Variants in PALM2AKAP2 observed in about 807,000 individuals in gnomAD.
PALM2AKAP2 encodes PALM2 and AKAP2 fusion.
In PALM2AKAP2, 37 loss-of-function variants were observed where a neutral mutation model predicts 71.5. That is an observed-to-expected ratio of 0.52 (90% CI 0.40 to 0.68). The LOEUF is 0.68. Among genes scored for constraint, PALM2AKAP2 ranks in the 30% least tolerant of loss-of-function variants. PALM2AKAP2 has a pLI of 0.00. For missense variants in PALM2AKAP2, 1,224 were observed against 1,191.8 expected (o/e 1.03, Z -0.40); for synonymous variants, 468 against 478.8 (o/e 0.98, Z 0.29).
chr9:110,045,296 C>A (rs552644329), upstream of PALM2AKAP2, among the ~76,000 whole-genome samples: 4 of 152,280 alleles, frequency 2.6e-5, no homozygotes, highest in Admixed American at 2.6e-4. Context: ...TTATTTTATT[C>A]AAATATGCTC....
intron 1 of PALM2AKAP2, among the ~76,000 whole-genome samples, chr9:110,082,947 C>G (rs1834481657): frequency 1.3e-5 from 2 of 151,998 alleles, no homozygotes; most frequent in Non-Finnish European, 2.9e-5. Flanking sequence ...TTCGAGATCA[C>G]CCTGACCAAC....
intron 3 of PALM2AKAP2, among the ~76,000 whole-genome samples, chr9:109,905,192 T>A (rs2131866063): frequency 6.6e-6 from 1 of 152,338 alleles, no homozygotes; most frequent in South Asian, 2.1e-4. Flanking sequence ...TTAGTTTTAG[T>A]TCCTAAAGTT....
At chr9:109,952,076 A>G (rs1831654831) in intron 6 of PALM2AKAP2, among the ~76,000 whole-genome samples, 1 of 152,248 alleles carries the variant, frequency 6.6e-6, no homozygotes, top group Non-Finnish European at 1.5e-5. Flanking sequence ...GTTTTTCAAT[A>G]AATGGCCAGA....
intron 3 of PALM2AKAP2, among the ~76,000 whole-genome samples, chr9:110,164,938 T>A (rs1564343531): frequency 6.6e-6 from 1 of 152,158 alleles, no homozygotes; most frequent in African/African-American, 2.4e-5. Flanking sequence ...CTTACAGCCA[T>A]TGGGCAGCCA....
chr9:109,987,692 G>T lies in PALM2AKAP2; in HGVS notation c.497-28262G>T, dbSNP rs139528269. ...CCTGTGGTAGGGCTGCTATGGAGTT[G>T]TTTAATTTTACAACACAGTGACATC... On this transcript the variant is annotated intron_variant, in intron 6 of 9. Coordinates refer to the PALM2AKAP2 transcript ENST00000302798. Among the ~76,000 whole-genome samples, 5 of 152,302 alleles carry T rather than the reference G, an allele frequency of 3.3e-5. No homozygotes were observed. In the East Asian group the frequency reaches 9.6e-4, roughly 29 times the overall value.
intron 1 of PALM2AKAP2, among the ~76,000 whole-genome samples, chr9:109,827,010 T>A (rs1828168403): frequency 6.6e-6 from 1 of 152,214 alleles, no homozygotes; most frequent in African/African-American, 2.4e-5. Context: ...ACTAGGTTTT[T>A]ACTTTTGCTA....
intron 1 of PALM2AKAP2, among the ~76,000 whole-genome samples, chr9:110,051,268 G>A (rs550964104): frequency 6.6e-6 from 1 of 152,344 alleles, no homozygotes; most frequent in East Asian, 1.9e-4. Context: ...TTCTGACTCA[G>A]TAGCCTCAGG....
intron 5 of PALM2AKAP2, among the ~76,000 whole-genome samples, chr9:109,928,697 C>T (rs1831013824): frequency 6.7e-6 from 1 of 148,402 alleles, no homozygotes; most frequent in Non-Finnish European, 1.5e-5. Context: ...TTTGAGTCAG[C>T]ATCTCACTCT....
intron 1 of PALM2AKAP2, among the ~76,000 whole-genome samples, chr9:109,738,618 T>C (rs1163752035): frequency 6.6e-6 from 1 of 152,206 alleles, no homozygotes; most frequent in African/African-American, 2.4e-5. Context: ...CATTTATCAT[T>C]ACGGTAGTCT....
chr9:109,865,137 C>T (rs1335697928), intron 1 of PALM2AKAP2, among the ~76,000 whole-genome samples: 3 of 116,482 alleles, frequency 2.6e-5, no homozygotes, highest in Non-Finnish European at 5.0e-5. Context: ...CTCACTCTGT[C>T]GCCCAGGCTG....
At chr9:109,853,091 G>A (rs932471688) in intron 1 of PALM2AKAP2, among the ~76,000 whole-genome samples, 1 of 152,096 alleles carries the variant, frequency 6.6e-6, no homozygotes, top group Non-Finnish European at 1.5e-5. Context: ...TCATAACTGG[G>A]GGATCTAGGG....
At chr9:109,947,484 T>C (rs568788097) in intron 6 of PALM2AKAP2, among the ~76,000 whole-genome samples, 1 of 152,314 alleles carries the variant, frequency 6.6e-6, no homozygotes, top group South Asian at 2.1e-4. Context: ...ATTTATTTAA[T>C]GCCAGTTGAA....
intron 7 of PALM2AKAP2, among the ~76,000 whole-genome samples, chr9:110,034,857 C>T (rs944299852): frequency 2.6e-5 from 4 of 151,920 alleles, no homozygotes; most frequent in African/African-American, 7.3e-5. Flanking sequence ...CCCTCCTCCG[C>T]CTCCCAAAGT....
At chr9:110,162,189 G>C in intron 3 of PALM2AKAP2, 57 bp downstream of exon 10, 1 of 1,602,196 alleles carries the variant, frequency 6.2e-7, no homozygotes, top group Non-Finnish European at 8.6e-7. Flanking sequence ...GGTGCATGCT[G>C]TTGTGGTTTG....
intron 1 of PALM2AKAP2, among the ~76,000 whole-genome samples, chr9:109,801,729 T>TG (rs1228607878): frequency 2.6e-5 from 4 of 151,568 alleles, no homozygotes; most frequent in African/African-American, 9.7e-5. Context: ...TGTGTGTGTG[T>TG]TTGTGTGTGT....
At chr9:109,702,493 C>CA (rs1458125371) in intron 1 of PALM2AKAP2, among the ~76,000 whole-genome samples, 1 of 144,146 alleles carries the variant, frequency 6.9e-6, no homozygotes, top group African/African-American at 2.6e-5. Flanking sequence ...ATTGCAAGGA[C>CA]AAAAAACCAA....
intron 1 of PALM2AKAP2, among the ~76,000 whole-genome samples, chr9:110,050,090 G>A (rs1431629003): frequency 6.6e-6 from 1 of 152,236 alleles, no homozygotes; most frequent in East Asian, 1.9e-4. Context: ...CCCCGTAGCA[G>A]TTTTAAATGC....
At chr9:110,014,803 A>AAAGTATATAT (rs1832947098) in intron 6 of PALM2AKAP2, among the ~76,000 whole-genome samples, 1 of 16,020 alleles carries the variant, frequency 6.2e-5, no homozygotes, top group Non-Finnish European at 1.4e-4. Flanking sequence ...AAAAAAAAAA[A>AAAGTATATAT]ATGTATATAT....
At chr9:109,907,075 G>C (rs912457038) in intron 3 of PALM2AKAP2, among the ~76,000 whole-genome samples, 1 of 152,138 alleles carries the variant, frequency 6.6e-6, no homozygotes, top group South Asian at 2.1e-4. Context: ...TCTATGCCTT[G>C]ATCATTTTTC....
Sources: allele counts gnomAD v4.1 joint callset (sites outside exome capture counted in the v4.1 genomes callset), GRCh38; gene constraint gnomAD v4.1.1; transcripts MANE v1.5; gene names NCBI Gene and HGNC (gene_info 2026-07-23, HGNC 2026-07-21).